The following FAM135B variants were observed in gnomAD, a reference collection of about 807,000 sequenced individuals.
FAM135B encodes family with sequence similarity 135 member B.
Under a neutral mutation model 127.7 loss-of-function variants are expected in FAM135B, and 43 were observed. That is an observed-to-expected ratio of 0.34 (90% confidence interval 0.26 to 0.43). FAM135B has a LOEUF of 0.43. FAM135B is among the 20% of genes least tolerant of loss of function. The pLI, the probability that FAM135B is intolerant of heterozygous loss-of-function variation, is 1.00. For synonymous variants in FAM135B, 670 were observed against 665.1 expected, an observed-to-expected ratio of 1.01 and a Z score of -0.11; for missense variants, 1,558 against 1,725.6, an observed-to-expected ratio of 0.90 and a Z score of 1.72.
intron 7 of FAM135B, among the ~76,000 whole-genome samples, chr8:138,215,968 G>A (rs62531996): frequency 0.12 from 18,372 of 152,156 alleles, 1,399 homozygotes; most frequent in East Asian, 0.38. Flanking sequence ...TAATGAGTCC[G>A]AGGGGATGGT....
At chr8:138,316,840 C>T (rs1476899047) in intron 2 of FAM135B, among the ~76,000 whole-genome samples, 6 of 151,802 alleles carry the variant, frequency 4.0e-5, no homozygotes, top group Non-Finnish European at 7.4e-5. Flanking sequence ...GTAAGCCGGG[C>T]GTGGTGGTGG....
At chr8:138,473,085 A>G (rs544425783) in intron 1 of FAM135B, among the ~76,000 whole-genome samples, 1 of 152,142 alleles carries the variant, frequency 6.6e-6, no homozygotes, top group African/African-American at 2.4e-5. Flanking sequence ...CTCAACTCAA[A>G]CCATTTCCAC....
chr8:138,252,347 G>T (rs1821758757), intron 5 of FAM135B, among the ~76,000 whole-genome samples: 1 of 152,140 alleles, frequency 6.6e-6, no homozygotes, highest in African/African-American at 2.4e-5. Flanking sequence ...ATGTAATCTT[G>T]GACCAGGTCT....
intron 1 of FAM135B, among the ~76,000 whole-genome samples, chr8:138,447,211 T>C (rs926588617): frequency 6.6e-6 from 1 of 152,182 alleles, no homozygotes; most frequent in Non-Finnish European, 1.5e-5. Flanking sequence ...TTGGTGGGAC[T>C]GTAAACTAGT....
intron 1 of FAM135B, among the ~76,000 whole-genome samples, chr8:138,474,825 T>C (rs1328086034): frequency 6.6e-6 from 1 of 152,214 alleles, no homozygotes; most frequent in South Asian, 2.1e-4. Flanking sequence ...GTCTGGACTC[T>C]TCCCTCTCTA....
intron 1 of FAM135B, among the ~76,000 whole-genome samples, chr8:138,390,614 A>C (rs745865512): frequency 1.3e-5 from 2 of 152,184 alleles, no homozygotes; most frequent in Non-Finnish European, 2.9e-5. Flanking sequence ...GTACAAGATA[A>C]ATATTTATGG....
intron 5 of FAM135B, among the ~76,000 whole-genome samples, chr8:138,251,882 G>A (rs867833214): frequency 1.3e-5 from 2 of 152,180 alleles, no homozygotes; most frequent in Non-Finnish European, 2.9e-5. Context: ...CATGAGAAGA[G>A]CAGAGAGGAA....
Position 138,310,696 on chromosome 8 carries a change from C to T in FAM135B, c.157+145G>A, listed in dbSNP as rs909228879. On this transcript the variant is annotated intron_variant, in intron 3 of 19. Transcript: ENST00000395297. ...TATGGCCACCTCCAACTGTTGGTTT[C>T]CATTTCCAAAATTCGCCATCCAACA... 1.8e-5 allele frequency: 12 copies of T among 655,464 alleles called. No individual in the cohort carries two copies. The African/African-American group carries it at 2.2e-4, about 12-fold the overall frequency. 40.6% of individuals were successfully genotyped at this position (655,464 alleles called of 1,614,324 possible). A position where few individuals can be genotyped will look rare whatever the true frequency, so the allele number is the denominator to read the frequency against.
At chr8:138,269,890 T>C (rs77939679) in intron 3 of FAM135B, among the ~76,000 whole-genome samples, 2,841 of 152,272 alleles carry the variant, frequency 0.019, 91 homozygotes, top group African/African-American at 0.065. Flanking sequence ...ACTCTTCAGG[T>C]AGGGTGAATT....
At chr8:138,216,905 C>T (rs1306345648) in intron 7 of FAM135B, among the ~76,000 whole-genome samples, 1 of 152,188 alleles carries the variant, frequency 6.6e-6, no homozygotes, top group African/African-American at 2.4e-5. Flanking sequence ...AATAAGTAGG[C>T]TACAGAGCTT....
At chr8:138,427,318 T>C (rs1024462474) in intron 1 of FAM135B, among the ~76,000 whole-genome samples, 2 of 150,698 alleles carry the variant, frequency 1.3e-5, no homozygotes, top group Admixed American at 1.3e-4. Flanking sequence ...CAAATATATA[T>C]ATATGCATTC....
intron 1 of FAM135B, among the ~76,000 whole-genome samples, chr8:138,423,526 G>A (rs1278421359): frequency 1.3e-5 from 2 of 152,128 alleles, no homozygotes; most frequent in Non-Finnish European, 2.9e-5. Context: ...GTTTTTATTA[G>A]TGATTTTCAA....
rs2130383194 is a variant in FAM135B at position 138,242,978 on chromosome 8, G to A, written c.633C>T (p.Val211=). ...TCGGCTTGCAGTACCCAGCTCCAAAGACCAAGTTTTCCAGAGAAATGATAG... is the reference window on the plus strand; with the variant it reads ...TCGGCTTGCAGTACCCAGCTCCAAAAACCAAGTTTTCCAGAGAAATGATAG... ...EQSIISLENL[V]FGAGYCKPTS... The change falls in exon 7 of 20, where the codon GTC becomes GTT. Residue 211 remains valine (V), a synonymous_variant. Coordinates refer to ENST00000395297, the MANE Select transcript of FAM135B (RefSeq NM_015912.4). The surrounding 1 kb of genome is among the most constrained non-coding windows in gnomAD (Gnocchi z 9.6). 1.9e-6 allele frequency: 3 copies of A among 1,613,926 alleles called. No individual in the cohort carries two copies. Among genetic ancestry groups the A allele is most frequent in the Non-Finnish European group, 1.7e-6 (2 of 1,179,910 alleles).
intron 12 of FAM135B, among the ~76,000 whole-genome samples, chr8:138,153,445 C>G (rs1220575608): frequency 1.3e-5 from 2 of 152,086 alleles, no homozygotes; most frequent in Non-Finnish European, 2.9e-5. Context: ...ACTTGTTGGA[C>G]AGTGAGTGCA....
At chr8:138,373,065 A>G (rs1024665539) in intron 1 of FAM135B, among the ~76,000 whole-genome samples, 6 of 152,304 alleles carry the variant, frequency 3.9e-5, no homozygotes, top group South Asian at 2.1e-4. Context: ...TGATGAGGAA[A>G]AAAAGAGGCA....
chr8:138,413,629 G>T (rs1421687051), intron 1 of FAM135B, among the ~76,000 whole-genome samples: 2 of 152,148 alleles, frequency 1.3e-5, no homozygotes, highest in Non-Finnish European at 1.5e-5. Context: ...AATAAAGCAA[G>T]AAGAATGACT....
At chr8:138,193,110 C>G (rs1345254673) in intron 9 of FAM135B, among the ~76,000 whole-genome samples, 1 of 152,202 alleles carries the variant, frequency 6.6e-6, no homozygotes, top group Non-Finnish European at 1.5e-5. Flanking sequence ...AGAAAACAGG[C>G]AGTGGTCCCT....
intron 1 of FAM135B, among the ~76,000 whole-genome samples, chr8:138,396,698 A>G (rs1219152718): frequency 6.6e-6 from 1 of 152,132 alleles, no homozygotes; most frequent in African/African-American, 2.4e-5. Flanking sequence ...ATCTTCCCTG[A>G]AGTCTTTTAA....
In FAM135B at chr8:138,178,552, C is replaced by T. The variant is rs1248147089; in HGVS notation, c.1012G>A (p.Glu338Lys). The T allele has an allele frequency of 3.7e-6, 6 of 1,613,706 alleles. No individual in the cohort carries two copies. The highest frequency in any genetic ancestry group is 2.7e-5 in the African/African-American group (2 of 74,878). Residue 338 changes from glutamate to lysine, a missense_variant, in exon 10 of 20, where the codon GAA becomes AAA. By Grantham distance (56) the Glu-to-Lys change is moderately conservative (BLOSUM62 1). This residue lies in a region of FAM135B where 115 missense variants were observed against 171.1 expected (regional missense o/e 0.67). Coordinates refer to ENST00000395297, the MANE Select transcript of FAM135B (RefSeq NM_015912.4). ...CCACTCACCCTCAGGGTGTGGTGTTCCTGGGTGAGATAAGTGGTCACTTGG... is the reference window on the plus strand; with the variant it reads ...CCACTCACCCTCAGGGTGTGGTGTTTCTGGGTGAGATAAGTGGTCACTTGG... ...HSQVTTYLTQEHHTLRVRRFS... is the reference protein window; with the variant it reads ...HSQVTTYLTQKHHTLRVRRFS...
Sources: allele counts gnomAD v4.1 joint callset (sites outside exome capture counted in the v4.1 genomes callset), GRCh38; gene constraint gnomAD v4.1.1; regional missense constraint gnomAD v4.1.1; non-coding constraint Gnocchi (gnomAD v3.1); transcripts MANE v1.5; gene names NCBI Gene and HGNC (gene_info 2026-07-23, HGNC 2026-07-21).